AGBL1: variants seen among roughly 807,000 people sequenced by gnomAD.
AGBL1 encodes the protein cytosolic carboxypeptidase 4.
Under a neutral mutation model 118.9 loss-of-function variants are expected in AGBL1, and 130 were observed. The ratio of observed to expected loss-of-function variants is 1.09; its 90% confidence interval spans 0.95 to 1.26. The LOEUF is 1.26. AGBL1 is among the 50% of genes most tolerant of loss of function. AGBL1 has a pLI of 0.00. For missense variants in AGBL1, 1,584 were observed against 1,298.1 expected (o/e 1.22, Z -3.38); for synonymous variants, 555 against 478.9 (o/e 1.16, Z -2.08).
chr15:86,205,758 G>A (rs766019422), intron 5 of AGBL1, among the ~76,000 whole-genome samples: 1 of 152,136 alleles, frequency 6.6e-6, no homozygotes, highest in African/African-American at 2.4e-5. Flanking sequence ...TTCTTGATAA[G>A]GTGTCTGTTA....
At chr15:86,258,566 G>A (rs2142018138) in intron 9 of AGBL1, among the ~76,000 whole-genome samples, 1 of 152,270 alleles carries the variant, frequency 6.6e-6, no homozygotes. Flanking sequence ...AAGAGAGGTT[G>A]GTGAACTTCC....
At chr15:86,517,809 T>C (rs114145024) in intron 18 of AGBL1, among the ~76,000 whole-genome samples, 10,305 of 152,210 alleles carry the variant, frequency 0.068, 1,208 homozygotes, top group African/African-American at 0.24. Flanking sequence ...TCTTTTTTCT[T>C]TTCTCCATCC....
At chr15:86,632,274 T>TAAAAAAAAAA (rs138490379) in intron 21 of AGBL1, among the ~76,000 whole-genome samples, 40 of 125,260 alleles carry the variant, frequency 3.2e-4, no homozygotes, top group East Asian at 1.2e-3. Context: ...TCTTTCTCTT[T>TAAAAAAAAAA]AAAAAAAAAA....
intron 22 of AGBL1, among the ~76,000 whole-genome samples, chr15:86,680,032 A>C (rs867355382): frequency 2.6e-5 from 4 of 152,164 alleles, no homozygotes; most frequent in Non-Finnish European, 4.4e-5. Flanking sequence ...TTTCCTAGGT[A>C]GGATACATCT....
intron 24 of AGBL1, chr15:86,988,459 A>C (rs2081306114): frequency 6.1e-6 from 1 of 162,860 alleles, no homozygotes; most frequent in Non-Finnish European, 1.3e-5. Context: ...TTTCTTTAAA[A>C]TACCTATTCA....
chr15:86,723,784 G>A (rs1363475765), intron 22 of AGBL1, among the ~76,000 whole-genome samples: 3 of 152,102 alleles, frequency 2.0e-5, no homozygotes, highest in African/African-American at 7.2e-5. Flanking sequence ...AAAAGAAGAA[G>A]AAAGGAAGTG....
chr15:86,700,468 T>TACACACACACAC (rs67457435), intron 22 of AGBL1, among the ~76,000 whole-genome samples: 5 of 114,654 alleles, frequency 4.4e-5, no homozygotes, highest in African/African-American at 7.3e-5. Context: ...AGCAGACTAA[T>TACACACACACAC]ACACACACAC....
intron 17 of AGBL1, among the ~76,000 whole-genome samples, chr15:86,372,947 A>G (rs2080990515): frequency 6.6e-6 from 1 of 152,116 alleles, no homozygotes; most frequent in Non-Finnish European, 1.5e-5. Context: ...CCAGAAGAGT[A>G]AATTTTAAAG....
rs901040504 is a variant in AGBL1 at position 86,495,118 on chromosome 15, C to G, written c.2556-27692C>G. On this transcript the variant is annotated intron_variant, in intron 18 of 22. Transcript: ENST00000614907. The stretch of plus-strand genomic sequence containing the variant: ...TGTCTCGCTCACTCTCTCTCTCTCT[C>G]TCTCTCGCTTTCTTTCTTTCTCTCT... Among the ~76,000 whole-genome samples, 5 of 151,868 alleles carry G rather than the reference C, an allele frequency of 3.3e-5. 1 individual carries two copies. Among genetic ancestry groups the G allele is most frequent in the African/African-American group, 1.2e-4 (5 of 41,376 alleles).
At chr15:86,470,983 A>G (rs973642447) in intron 18 of AGBL1, among the ~76,000 whole-genome samples, 10 of 152,124 alleles carry the variant, frequency 6.6e-5, no homozygotes, top group African/African-American at 2.4e-4. Context: ...AGATAATTTT[A>G]CTTATTCCTT....
intron 22 of AGBL1, among the ~76,000 whole-genome samples, chr15:86,759,911 A>T (rs551698853): frequency 6.6e-6 from 1 of 152,212 alleles, no homozygotes; most frequent in African/African-American, 2.4e-5. Context: ...CCTAGAGCAG[A>T]GTAAAGGCAG....
chr15:86,453,228 G>A (rs968573080), intron 18 of AGBL1, among the ~76,000 whole-genome samples: 2 of 152,170 alleles, frequency 1.3e-5, no homozygotes, highest in African/African-American at 2.4e-5. Context: ...ATAAAAGGTT[G>A]TAAGGGAACA....
chr15:86,771,302 C>A (rs1384157836), intron 22 of AGBL1, among the ~76,000 whole-genome samples: 2 of 151,974 alleles, frequency 1.3e-5, no homozygotes, highest in African/African-American at 2.4e-5. Flanking sequence ...GATAATCTTG[C>A]AATACAGATG....
chr15:86,545,999 T>A lies in AGBL1; in HGVS notation c.2686-3T>A, dbSNP rs2142252610. ...TATTTTCTCCTTTGTTGGGCTATTG[T>A]AGGTTTTCTGTGACTTCCATGGCCA... On this transcript the variant is annotated splice_polypyrimidine_tract_variant and splice_region_variant and intron_variant, in intron 19 of 22. Transcript: ENST00000614907. 1 of 1,612,522 alleles carries A rather than the reference T, an allele frequency of 6.2e-7. No individual in the cohort carries two copies. The highest frequency in any genetic ancestry group is 1.7e-4 in the Middle Eastern group (1 of 6,050).
intron 17 of AGBL1, among the ~76,000 whole-genome samples, chr15:86,315,160 T>C (rs1275080687): frequency 6.6e-6 from 1 of 152,198 alleles, no homozygotes; most frequent in Non-Finnish European, 1.5e-5. Flanking sequence ...AATGCCATTT[T>C]AATACCCAGG....
At chr15:86,839,657 A>G (rs1191933379) in intron 22 of AGBL1, among the ~76,000 whole-genome samples, 2 of 152,154 alleles carry the variant, frequency 1.3e-5, no homozygotes, top group Non-Finnish European at 2.9e-5. Flanking sequence ...CTTAGCAGAT[A>G]TGACAACTAA....
chr15:86,715,557 A>G lies in AGBL1; in HGVS notation c.3158+41121A>G, dbSNP rs140775576. 1.7e-3 allele frequency among the ~76,000 whole-genome samples: 259 copies of G among 152,236 alleles called. 3 individuals carry two copies. Among genetic ancestry groups the G allele is most frequent in the African/African-American group, 5.9e-3 (246 of 41,536 alleles). The stretch of plus-strand genomic sequence containing the variant: ...ATAGAATAGTTACTGATTGATGTGG[A>G]ATTGATAATTTGGAATGAAAACTGT... On this transcript the variant is annotated intron_variant, in intron 22 of 22. Transcript: ENST00000614907.
At chr15:86,991,281 G>A (rs1036893574) in intron 24 of AGBL1, among the ~76,000 whole-genome samples, 1 of 151,970 alleles carries the variant, frequency 6.6e-6, no homozygotes, top group Admixed American at 6.6e-5. Context: ...TTAGTGTGAT[G>A]GCACAGAACA....
At chr15:86,655,627 A>G (rs370523764) in intron 21 of AGBL1, among the ~76,000 whole-genome samples, 2 of 152,192 alleles carry the variant, frequency 1.3e-5, no homozygotes, top group Non-Finnish European at 2.9e-5. Flanking sequence ...TATGTTGACA[A>G]AAAGAACATA....
Sources: gnomAD v4.1 joint callset for allele counts (sites outside exome capture counted in the v4.1 genomes callset) on GRCh38, gnomAD v4.1.1 for gene constraint, MANE v1.5 for transcripts, NCBI Gene and HGNC (gene_info 2026-07-23, HGNC 2026-07-21) for gene names.